The following DIP2B variants were observed in gnomAD, a reference collection of about 807,000 sequenced individuals.
DIP2B encodes the protein DIP2 acetate--CoA ligase B (putative).
DIP2B carries 76 observed loss-of-function variants against 198.0 expected under a neutral mutation model. The observed-to-expected ratio is 0.38, with a 90% CI of 0.32 to 0.46. The LOEUF (loss-of-function observed/expected upper bound fraction) is 0.46. DIP2B is among the 20% of genes least tolerant of loss of function. DIP2B has a pLI of 0.99. For synonymous variants in DIP2B, 701 were observed against 739.1 expected (o/e 0.95, Z 0.84); for missense variants, 1,559 against 1,978.4 (o/e 0.79, Z 4.02).
intron 18 of DIP2B, among the ~76,000 whole-genome samples, 170 bp downstream of exon 18, chr12:50,698,637 C>T (rs1292528328): frequency 2.0e-5 from 3 of 152,168 alleles, no homozygotes. Context: ...GCTGACCTTC[C>T]AGCAGTATTG....
intron 14 of DIP2B, among the ~76,000 whole-genome samples, chr12:50,694,504 A>AATACATAC (rs59419587): frequency 1.9e-4 from 27 of 143,738 alleles, no homozygotes; most frequent in Middle Eastern, 3.5e-3. Flanking sequence ...CAGATAAATA[A>AATACATAC]ATACATACAT....
intron 7 of DIP2B, among the ~76,000 whole-genome samples, chr12:50,677,312 T>C (rs564915704): frequency 6.6e-6 from 1 of 152,146 alleles, no homozygotes; most frequent in Non-Finnish European, 1.5e-5. Context: ...GTGTAAATTA[T>C]CTTTCCTGCT....
At chr12:50,505,570 T>C (rs1356311112) in intron 1 of DIP2B, among the ~76,000 whole-genome samples, 1 of 151,882 alleles carries the variant, frequency 6.6e-6, no homozygotes, top group South Asian at 2.1e-4. Context: ...CCAGGTGGGG[T>C]GAGGGGTAGG....
chr12:50,610,615 C>T (rs1959023363), intron 1 of DIP2B, among the ~76,000 whole-genome samples: 1 of 151,462 alleles, frequency 6.6e-6, no homozygotes, highest in Non-Finnish European at 1.5e-5. Flanking sequence ...ACGCCATTCT[C>T]CTACCTCAGC....
intron 34 of DIP2B, among the ~76,000 whole-genome samples, chr12:50,736,669 T>C (rs1273220080): frequency 6.6e-6 from 1 of 152,150 alleles, no homozygotes; most frequent in Non-Finnish European, 1.5e-5. Flanking sequence ...TTTTAAAGGG[T>C]TTCACTGCCA....
intron 1 of DIP2B, among the ~76,000 whole-genome samples, chr12:50,600,067 G>A (rs755362160): frequency 2.0e-5 from 3 of 152,200 alleles, no homozygotes; most frequent in African/African-American, 4.8e-5. Context: ...CAGAGATGGT[G>A]CAACTTTATA....
intron 1 of DIP2B, among the ~76,000 whole-genome samples, chr12:50,562,537 C>T (rs1308104364): frequency 6.6e-6 from 1 of 151,898 alleles, no homozygotes; most frequent in South Asian, 2.1e-4. Flanking sequence ...GAGTTCGAGA[C>T]CAGCCTGGGC....
chr12:50,744,717 G>A lies in DIP2B; in HGVS notation c.4609G>A (p.Val1537Met), dbSNP rs747159501. 6.2e-6 allele frequency: 10 copies of A among 1,614,048 alleles called. No homozygotes were observed. Among genetic ancestry groups the A allele is most frequent in the African/African-American group, 2.7e-5 (2 of 74,916 alleles). Residue 1537 changes from valine (V) to methionine (M), a missense_variant, in exon 38 of 38, where the codon GTG becomes ATG. Coordinates refer to ENST00000301180, the MANE Select transcript of DIP2B (RefSeq NM_173602.3). ...LEEHYLIVGVVVVVDPGVIPI... is the reference protein window; with the variant it reads ...LEEHYLIVGVMVVVDPGVIPI... ...AGAGCATTACCTCATCGTTGGCGTCGTGGTTGTGGTGGACCCAGGTGTCAT... is the reference window on the plus strand; with the variant it reads ...AGAGCATTACCTCATCGTTGGCGTCATGGTTGTGGTGGACCCAGGTGTCAT...
At chr12:50,534,618 C>T (rs868753298) in intron 1 of DIP2B, among the ~76,000 whole-genome samples, 1 of 152,240 alleles carries the variant, frequency 6.6e-6, no homozygotes. Flanking sequence ...CCCACCTCGG[C>T]CTCCCAAAGT....
intron 2 of DIP2B, among the ~76,000 whole-genome samples, chr12:50,633,867 C>T (rs976460709): frequency 1.3e-5 from 2 of 152,180 alleles, no homozygotes; most frequent in Non-Finnish European, 2.9e-5. Flanking sequence ...TAAAAAATCA[C>T]TTAAACCTCC....
At position 50,695,743 on chromosome 12, in the gene DIP2B, C is replaced by A; in HGVS notation, c.1814-105C>A. 2.7e-6 allele frequency: 4 copies of A among 1,483,140 alleles called. No individual in the cohort carries two copies. The South Asian group carries it at 5.1e-5, about 19-fold the overall frequency. 91.9% of individuals were successfully genotyped at this position (1,483,140 alleles called of 1,614,324 possible). The stretch of plus-strand genomic sequence containing the variant: ...TGAAACCGTTTTTATCTTCTCCAAG[C>A]AAATATCATGATTCCCCAAATAAGT... On this transcript the variant is annotated intron_variant, in intron 15 of 37. Transcript: ENST00000301180.
At chr12:50,622,081 C>G (rs1417174305) in intron 1 of DIP2B, among the ~76,000 whole-genome samples, 1 of 152,206 alleles carries the variant, frequency 6.6e-6, no homozygotes, top group East Asian at 1.9e-4. Flanking sequence ...CAGATGTGTT[C>G]TGAGCCATCA....
intron 1 of DIP2B, among the ~76,000 whole-genome samples, chr12:50,535,431 A>G (rs945512636): frequency 5.3e-5 from 8 of 151,106 alleles, no homozygotes; most frequent in African/African-American, 1.7e-4. Context: ...CAGTGGCACA[A>G]TCGAGGCTTA....
At chr12:50,719,861 T>A (rs576274880) in intron 25 of DIP2B, among the ~76,000 whole-genome samples, 1,903 of 146,794 alleles carry the variant, frequency 0.013, 44 homozygotes, top group African/African-American at 0.045. Flanking sequence ...AAAGAAAAAA[T>A]ATATATATTA....
At chr12:50,556,765 A>G (rs1958475431) in intron 1 of DIP2B, among the ~76,000 whole-genome samples, 1 of 152,038 alleles carries the variant, frequency 6.6e-6, no homozygotes, top group Non-Finnish European at 1.5e-5. Context: ...GCTGGAGTGC[A>G]GTGGTGTGAT....
chr12:50,505,916 C>T (rs950001531), intron 1 of DIP2B, among the ~76,000 whole-genome samples: 2 of 151,654 alleles, frequency 1.3e-5, no homozygotes, highest in African/African-American at 4.9e-5. Flanking sequence ...ATCTGGTCAC[C>T]TTTTGGAGTC....
At chr12:50,682,097 G>A (rs761230974) in intron 9 of DIP2B, among the ~76,000 whole-genome samples, 3 of 152,144 alleles carry the variant, frequency 2.0e-5, no homozygotes, top group African/African-American at 7.2e-5. Context: ...TGACTTTTAC[G>A]TTTTTGCATT....
intron 1 of DIP2B, among the ~76,000 whole-genome samples, chr12:50,600,585 C>G (rs1010200537): frequency 6.6e-6 from 1 of 152,134 alleles, no homozygotes; most frequent in East Asian, 1.9e-4. Context: ...AAAACATTCA[C>G]TTATCTACTG....
intron 1 of DIP2B, among the ~76,000 whole-genome samples, chr12:50,519,705 C>CT (rs1212679616): frequency 6.6e-6 from 1 of 151,742 alleles, no homozygotes; most frequent in East Asian, 1.9e-4. Flanking sequence ...AGTTTTTAGT[C>CT]TTTTTTCCCC....
Sources: gnomAD v4.1 joint callset for allele counts (sites outside exome capture counted in the v4.1 genomes callset) on GRCh38, gnomAD v4.1.1 for gene constraint, MANE v1.5 for transcripts, NCBI Gene and HGNC (gene_info 2026-07-23, HGNC 2026-07-21) for gene names.